The following ZBED5 variants were observed in gnomAD, a reference collection of about 807,000 sequenced individuals.
ZBED5 encodes zinc finger BED-type containing 5.
A neutral mutation model predicts 49.2 loss-of-function variants in ZBED5; 29 were observed. That is an observed-to-expected ratio of 0.59 (90% CI 0.44 to 0.80). The LOEUF is 0.80. Ranked by LOEUF, ZBED5 falls within the 30% of genes least tolerant of loss-of-function variation. The pLI is 0.00. For synonymous variants in ZBED5, 281 were observed against 292.5 expected, an observed-to-expected ratio of 0.96 and a Z score of 0.40; for missense variants, 775 against 812.9, an observed-to-expected ratio of 0.95 and a Z score of 0.57.
rs1193921038 is a variant in ZBED5 at position 10,852,715 on chromosome 11, C to T, written c.*149G>A. 1.9e-5 allele frequency: 24 copies of T among 1,247,196 alleles called. No homozygotes were observed. In the East Asian group the frequency reaches 4.9e-4, roughly 26 times the overall value. The allele number at this position is 1,247,196 out of a possible 1,614,324, so 77.3% of individuals were successfully genotyped here. A position where few individuals can be genotyped will look rare whatever the true frequency, so the allele number is the denominator to read the frequency against. On this transcript the variant is annotated 3_prime_UTR_variant, in exon 3 of 3. Transcript: ENST00000413761. The stretch of plus-strand genomic sequence containing the variant: ...CAATAATAACACAATATGTTTAAAA[C>T]GTTTGATTCTTTAGCCTTCTTAAAA...
At chr11:10,856,361 T>C (rs963214659) in intron 1 of ZBED5, 104 bp from the exon 2 acceptor site, 19 of 152,192 alleles carry the variant, frequency 1.2e-4, no homozygotes, top group African/African-American at 4.6e-4. Flanking sequence ...AAAATGATTC[T>C]TTACTGCAAT....
At position 10,855,222 on chromosome 11, in the gene ZBED5, T is replaced by C. The variant is rs1848164449; in HGVS notation, c.-141-136A>G. The C allele has an allele frequency of 3.5e-6, 1 of 285,064 alleles. No homozygotes were observed. Among genetic ancestry groups the C allele is most frequent in the African/African-American group, 2.2e-5 (1 of 45,566 alleles). 17.7% of individuals were successfully genotyped at this position (285,064 alleles called of 1,614,324 possible). On this transcript the variant is annotated intron_variant, in intron 2 of 2. Coordinates refer to ENST00000413761, the MANE Select transcript of ZBED5 (RefSeq NM_001143667.2). The surrounding 1 kb of genome is among the most constrained non-coding windows in gnomAD (Gnocchi z 4.1). ...TAGCATCAATCATTTTCTCAAAACA[T>C]TTATTAACTTAGAGAATATTAATAT... is the stretch of plus-strand genomic sequence containing the variant.
At position 10,854,847 on chromosome 11, in the gene ZBED5, TGA is replaced by T; in HGVS notation, c.97_98del (p.Ser33IlefsTer13). 6.4e-7 allele frequency: 1 copy of T among 1,552,030 alleles called. No homozygotes were observed. The highest frequency in any genetic ancestry group is 2.4e-5 in the East Asian group (1 of 40,896). On this transcript the variant is annotated frameshift_variant, in exon 3 of 3. Coordinates refer to ENST00000413761, the MANE Select transcript of ZBED5 (RefSeq NM_001143667.2). LOFTEE classifies it high-confidence loss of function. The surrounding 1 kb of genome is among the most constrained non-coding windows in gnomAD (Gnocchi z 5.0). Reference protein sequence around the residue: ...SKLTMFCTTNSLPMDLLLKQG... With the variant: ...SKLTMFCTTNXLPMDLLLKQG... Reference sequence around the variant, plus strand: ...GTTTCAGCAACAGATCCATGGGCAATGAGTTTGTGGTACAAAACATGGTTAAT... The same window carrying T: ...GTTTCAGCAACAGATCCATGGGCAATGTTTGTGGTACAAAACATGGTTAAT...
chr11:10,853,841 T>G lies in ZBED5; in HGVS notation c.1105A>C (p.Ser369Arg), dbSNP rs772911718. 1 of 1,551,682 alleles carries G rather than the reference T, an allele frequency of 6.4e-7. No individual in the cohort carries two copies. The highest frequency in any genetic ancestry group is 8.7e-7 in the Non-Finnish European group (1 of 1,146,946). Residue 369 changes from serine (S) to arginine (R), a missense_variant, in exon 3 of 3, where the codon AGT (serine) becomes CGT (arginine). By Grantham distance (110) the Ser-to-Arg change is moderately radical. Transcript: ENST00000413761. This position sits in a 1 kb window ranked among gnomAD's most constrained non-coding sequence, Gnocchi z 5.4. ...TGTCTGTATAATAGGCAGTGACTAC[T>G]GGTGCTTTCGGGAGCCACATATTTT... ...LIKYVAPEST[S>R]SHCLLYRHAL...
At position 10,854,200 on chromosome 11, in the gene ZBED5, G is replaced by GC; in HGVS notation, c.745dup (p.Ala249GlyfsTer5). The GC allele has an allele frequency of 6.4e-7, 1 of 1,550,780 alleles. No homozygotes were observed. Among genetic ancestry groups the GC allele is most frequent in the Non-Finnish European group, 8.7e-7 (1 of 1,146,432 alleles). On this transcript the variant is annotated frameshift_variant, in exon 3 of 3. Coordinates refer to ENST00000413761, the MANE Select transcript of ZBED5 (RefSeq NM_001143667.2). LOFTEE classifies it high-confidence loss of function. The surrounding 1 kb of genome is among the most constrained non-coding windows in gnomAD (Gnocchi z 5.0). ...AGCAGCTAGATCCTTAATTCGACGT[G>GC]CAACAGTACTGTTTGATAGCTGTAC...
Position 10,853,220 on chromosome 11 carries a change from T to C in ZBED5, c.1726A>G (p.Asn576Asp). Residue 576 changes from asparagine (N) to aspartate (D), a missense_variant, in exon 3 of 3, where the codon AAT becomes GAT. Physicochemically the swap from Asn to Asp is conservative, Grantham distance 23. Transcript: ENST00000413761. This position sits in a 1 kb window ranked among gnomAD's most constrained non-coding sequence, Gnocchi z 5.4. ...VTNDNNAWVR[N>D]PFTVTVKPAS... ...GGTTTAACAGTAACTGTAAATGGAT[T>C]TCTAACCCAAGCATTATTGTCATTT... The C allele has an allele frequency of 1.3e-6, 2 of 1,551,564 alleles. No individual in the cohort carries two copies. The highest frequency in any genetic ancestry group is 1.7e-6 in the Non-Finnish European group (2 of 1,146,862).
chr11:10,857,501 C>T lies in ZBED5; in HGVS notation c.-256+361G>A, dbSNP rs975694287. Reference sequence around the variant, plus strand: ...ACACCTAAATGCTTTTTTAAACGGTCACCTGGATGTGCAGCCAGGGCCAAC... The same window carrying T: ...ACACCTAAATGCTTTTTTAAACGGTTACCTGGATGTGCAGCCAGGGCCAAC... On this transcript the variant is annotated intron_variant, in intron 1 of 2. Transcript: ENST00000413761. This position sits in a 1 kb window ranked among gnomAD's most constrained non-coding sequence, Gnocchi z 6.3. 3 of 152,400 alleles carry T rather than the reference C, an allele frequency of 2.0e-5. No individual in the cohort carries two copies. The highest frequency in any genetic ancestry group is 2.9e-5 in the Non-Finnish European group (2 of 68,216). 9.4% of individuals were successfully genotyped at this position (152,400 alleles called of 1,614,324 possible). A position where few individuals can be genotyped will look rare whatever the true frequency, so the allele number is the denominator to read the frequency against.
chr11:10,852,731 C>G lies in ZBED5; in HGVS notation c.*133G>C. On this transcript the variant is annotated 3_prime_UTR_variant, in exon 3 of 3. Transcript: ENST00000413761. ...TGTTTAAAACGTTTGATTCTTTAGC[C>G]TTCTTAAAATCTAAATAGTATAAAA... The G allele has an allele frequency of 7.5e-7, 1 of 1,330,418 alleles. No individual in the cohort carries two copies. The highest frequency in any genetic ancestry group is 9.8e-7 in the Non-Finnish European group (1 of 1,017,152). The allele number at this position is 1,330,418 out of a possible 1,614,324, so 82.4% of individuals were successfully genotyped here.
intron 1 of ZBED5, among the ~76,000 whole-genome samples, chr11:10,856,884 G>A (rs1848189042): frequency 1.3e-5 from 2 of 152,162 alleles, no homozygotes; most frequent in African/African-American, 4.8e-5. Flanking sequence ...TGACTGCATA[G>A]CCCATGTGTC....
rs1848206850 is a variant in ZBED5 at position 10,857,853 on chromosome 11, G to C, written c.-256+9C>G. ...ACCGCTTAGCCGCGGCGGCGGCTCT[G>C]CTTCTCACCTTCACCGAGGCCTGAA... is the stretch of plus-strand genomic sequence containing the variant. On this transcript the variant is annotated intron_variant, in intron 1 of 2. Coordinates refer to ENST00000413761, the MANE Select transcript of ZBED5 (RefSeq NM_001143667.2). This position sits in a 1 kb window ranked among gnomAD's most constrained non-coding sequence, Gnocchi z 6.3. 6.5e-6 allele frequency: 1 copy of C among 153,096 alleles called. No individual in the cohort carries two copies. The highest frequency in any genetic ancestry group is 1.5e-5 in the Non-Finnish European group (1 of 68,674). The allele number at this position is 153,096 out of a possible 1,614,324, so 9.5% of individuals were successfully genotyped here.
chr11:10,854,068 A>G lies in ZBED5; in HGVS notation c.878T>C (p.Val293Ala). The G allele has an allele frequency of 6.4e-7, 1 of 1,551,272 alleles. No individual in the cohort carries two copies. Residue 293 changes from valine to alanine, a missense_variant, in exon 3 of 3, where the codon GTT becomes GCT. Coordinates refer to ENST00000413761, the MANE Select transcript of ZBED5 (RefSeq NM_001143667.2). The surrounding 1 kb of genome is among the most constrained non-coding windows in gnomAD (Gnocchi z 5.0). ...AATAGACTTATTAAACCTATAACGA[A>G]CAAACACAAGCAGCACAGCAAGTCC... ...VSGLAVLLVF[V>A]RYRFNKSIEE...
Position 10,853,044 on chromosome 11 carries a change from T to A in ZBED5, c.1902A>T (p.Val634=). 6.4e-7 allele frequency: 1 copy of A among 1,551,614 alleles called. No individual in the cohort carries two copies. Among genetic ancestry groups the A allele is most frequent in the Non-Finnish European group, 8.7e-7 (1 of 1,146,912 alleles). ...YPSIARRAVR[V]LLPFATMHLC... ...GGTGCATTGTAGCAAAAGGAAGAAG[T>A]ACACGCACTGCACGCCTTGCAATGC... Residue 634 remains valine, a synonymous_variant, in exon 3 of 3, where the codon GTA becomes GTT. Coordinates refer to ENST00000413761, the MANE Select transcript of ZBED5 (RefSeq NM_001143667.2). The surrounding 1 kb of genome is among the most constrained non-coding windows in gnomAD (Gnocchi z 5.4).
At chr11:10,856,507 ACAC>A (rs1198867431) in intron 1 of ZBED5, among the ~76,000 whole-genome samples, 2 of 152,200 alleles carry the variant, frequency 1.3e-5, no homozygotes, top group Non-Finnish European at 2.9e-5. Context: ...TGTTAAAACA[ACAC>A]CACCACCACA....
chr11:10,853,425 TGAC>T lies in ZBED5; in HGVS notation c.1518_1520del (p.Ser507del), dbSNP rs1331086066. 13 of 1,549,726 alleles carry T rather than the reference TGAC, an allele frequency of 8.4e-6. No individual in the cohort carries two copies. The highest frequency in any genetic ancestry group is 1.1e-5 in the Non-Finnish European group (13 of 1,146,066). The stretch of plus-strand genomic sequence containing the variant: ...CCCAAAATTCCAATTTTCTTAACAA[TGAC>T]GACATTTTATCAAATACTGTAAAAA... On this transcript the variant is annotated inframe_deletion, in exon 3 of 3. Coordinates refer to ENST00000413761, the MANE Select transcript of ZBED5 (RefSeq NM_001143667.2). The surrounding 1 kb of genome is among the most constrained non-coding windows in gnomAD (Gnocchi z 5.4).
In ZBED5 at chr11:10,854,045, T is replaced by C. The variant is rs749652014; in HGVS notation, c.901A>G (p.Ile301Val). The change falls in exon 3 of 3, where the codon ATT becomes GTT. Residue 301 changes from isoleucine (I) to valine (V), a missense_variant. Coordinates refer to ENST00000413761, the MANE Select transcript of ZBED5 (RefSeq NM_001143667.2). This position sits in a 1 kb window ranked among gnomAD's most constrained non-coding sequence, Gnocchi z 5.0. Reference protein sequence around the residue: ...VFVRYRFNKSIEEDLLLCESL... With the variant: ...VFVRYRFNKSVEEDLLLCESL... ...TCACACAGGAGTAGGTCTTCCTCAA[T>C]AGACTTATTAAACCTATAACGAACA... The C allele has an allele frequency of 7.7e-6, 12 of 1,551,282 alleles. No homozygotes were observed. The highest frequency in any genetic ancestry group is 9.6e-6 in the Non-Finnish European group (11 of 1,146,926).
Position 10,854,765 on chromosome 11 carries a change from T to C in ZBED5, c.181A>G (p.Asn61Asp). 6.4e-7 allele frequency: 1 copy of C among 1,551,972 alleles called. No homozygotes were observed. Among genetic ancestry groups the C allele is most frequent in the Non-Finnish European group, 8.7e-7 (1 of 1,147,014 alleles). The change falls in exon 3 of 3, where the codon AAT (asparagine) becomes GAT (aspartate). Residue 61 changes from asparagine (N) to aspartate (D), a missense_variant. Asn to Asp is a conservative substitution (Grantham distance 23). Transcript: ENST00000413761. This position sits in a 1 kb window ranked among gnomAD's most constrained non-coding sequence, Gnocchi z 5.0. ...TGTAATATTCCAACCTTCTGATCAT[T>C]TGATTCAGACACAATCTGATAACAG... The part of the protein sequence containing the change: ...SFCYQIVSES[N>D]DQKVGILQSE...
At position 10,853,980 on chromosome 11, in the gene ZBED5, G is replaced by T; in HGVS notation, c.966C>A (p.Asn322Lys). The T allele has an allele frequency of 6.4e-7, 1 of 1,551,498 alleles. No homozygotes were observed. Residue 322 changes from asparagine (N) to lysine (K), a missense_variant, in exon 3 of 3, where the codon AAC becomes AAA. By Grantham distance (94) the Asn-to-Lys change is moderately conservative. Transcript: ENST00000413761. The surrounding 1 kb of genome is among the most constrained non-coding windows in gnomAD (Gnocchi z 5.4). ...QSNATGEEIF[N>K]CINSFMQKHE... Reference sequence around the variant, plus strand: ...GTTTCTGCATAAAACTGTTGATACAGTTGAATATTTCTTCACCGGTAGCAT... The same window carrying T: ...GTTTCTGCATAAAACTGTTGATACATTTGAATATTTCTTCACCGGTAGCAT...
rs1157264774 is a variant in ZBED5 at position 10,853,571 on chromosome 11, A to G, written c.1375T>C (p.Phe459Leu). 1 of 1,550,422 alleles carries G rather than the reference A, an allele frequency of 6.4e-7. No homozygotes were observed. Among genetic ancestry groups the G allele is most frequent in the South Asian group, 1.2e-5 (1 of 83,930 alleles). ...TTTGTTAAACAATCAGATAGTCGAAAAGCAGAATCCATGAAAACCAAAAGT... is the reference window on the plus strand; with the variant it reads ...TTTGTTAAACAATCAGATAGTCGAAGAGCAGAATCCATGAAAACCAAAAGT... ...RELLVFMDSAFRLSDCLTNSS... is the reference protein window; with the variant it reads ...RELLVFMDSALRLSDCLTNSS... The change falls in exon 3 of 3, where the codon TTT becomes CTT. Residue 459 changes from phenylalanine (F) to leucine (L), a missense_variant. By Grantham distance (22) the Phe-to-Leu change is conservative (BLOSUM62 0). Transcript: ENST00000413761. The surrounding 1 kb of genome is among the most constrained non-coding windows in gnomAD (Gnocchi z 5.4).
chr11:10,853,603 C>A lies in ZBED5; in HGVS notation c.1343G>T (p.Arg448Leu), dbSNP rs888073249. Residue 448 changes from arginine to leucine, a missense_variant, in exon 3 of 3, where the codon CGT (arginine) becomes CTT (leucine). Arg to Leu is a moderately radical substitution (Grantham distance 102). Coordinates refer to ENST00000413761, the MANE Select transcript of ZBED5 (RefSeq NM_001143667.2). This position sits in a 1 kb window ranked among gnomAD's most constrained non-coding sequence, Gnocchi z 5.4. ...GKVLVRLFELRRELLVFMDSA... is the reference protein window; with the variant it reads ...GKVLVRLFELLRELLVFMDSA... Reference sequence around the variant, plus strand: ...ATCCATGAAAACCAAAAGTTCACGACGAAGTTCAAAAAGTCTTACAAGAAC... The same window carrying A: ...ATCCATGAAAACCAAAAGTTCACGAAGAAGTTCAAAAAGTCTTACAAGAAC... 9.7e-6 allele frequency: 15 copies of A among 1,551,094 alleles called. No individual in the cohort carries two copies. Among genetic ancestry groups the A allele is most frequent in the Non-Finnish European group, 1.1e-5 (13 of 1,146,794 alleles).
Sources: allele counts gnomAD v4.1 joint callset (sites outside exome capture counted in the v4.1 genomes callset), GRCh38; gene constraint gnomAD v4.1.1; non-coding constraint Gnocchi (gnomAD v3.1); transcripts MANE v1.5; gene names NCBI Gene and HGNC (gene_info 2026-07-23, HGNC 2026-07-21).